Variants in DIAPH2 observed in about 807,000 individuals in gnomAD.
The protein encoded by DIAPH2 is diaphanous related formin 2, also known as protein diaphanous homolog 2.
DIAPH2 carries 35 observed loss-of-function variants against 92.7 expected under a neutral mutation model. The observed-to-expected ratio is 0.38, with a 90% CI of 0.29 to 0.50. The LOEUF (loss-of-function observed/expected upper bound fraction) is 0.50, where lower values mean the gene tolerates loss of function less well. DIAPH2 is among the 20% of genes least tolerant of loss of function. The pLI, the probability that DIAPH2 is intolerant of heterozygous loss-of-function variation, is 0.94. For synonymous variants in DIAPH2, 301 were observed against 280.4 expected (o/e 1.07, Z -0.73); for missense variants, 701 against 819.5 (o/e 0.86, Z 1.77).
intron 4 of DIAPH2, among the ~76,000 whole-genome samples, chrX:96,866,660 C>T (rs1220086932): frequency 1.8e-5 from 2 of 111,922 alleles, no homozygotes; most frequent in Non-Finnish European, 3.8e-5. Flanking sequence ...CTTTGCTGTA[C>T]AAAATCTTCA....
intron 25 of DIAPH2, among the ~76,000 whole-genome samples, chrX:97,413,664 C>T (rs181458568): frequency 4.6e-4 from 52 of 111,940 alleles, no homozygotes; most frequent in Non-Finnish European, 8.3e-4. Flanking sequence ...CATCATCTCA[C>T]TCAAATCTCC....
intron 20 of DIAPH2, among the ~76,000 whole-genome samples, chrX:97,112,849 C>T (rs113181069): frequency 0.04 from 3,764 of 92,950 alleles, 68 homozygotes; most frequent in Middle Eastern, 0.081. Flanking sequence ...ACAATCTCGG[C>T]TCACTGCAAC....
At chrX:97,131,885 A>G (rs768097756) in intron 21 of DIAPH2, among the ~76,000 whole-genome samples, 10 of 112,076 alleles carry the variant, frequency 8.9e-5, no homozygotes, top group Non-Finnish European at 1.7e-4. Flanking sequence ...ACCAGTGAGT[A>G]CAAATGATGG....
chrX:97,417,010 C>T (rs1317603230), intron 25 of DIAPH2, among the ~76,000 whole-genome samples: 2 of 111,902 alleles, frequency 1.8e-5, no homozygotes, highest in African/African-American at 6.5e-5. Flanking sequence ...AGGAGGGAAA[C>T]ACTTTGAAGC....
intron 4 of DIAPH2, among the ~76,000 whole-genome samples, chrX:96,785,410 C>T (rs1016433599): frequency 1.9e-5 from 2 of 104,510 alleles, no homozygotes; most frequent in Non-Finnish European, 3.9e-5. Flanking sequence ...GTGCCACGGA[C>T]AATGCCATGT....
intron 4 of DIAPH2, among the ~76,000 whole-genome samples, chrX:96,855,835 C>A (rs770990258): frequency 9.0e-6 from 1 of 110,607 alleles, no homozygotes; most frequent in Non-Finnish European, 1.9e-5. Context: ...TTGGATATTC[C>A]GAACTAACAA....
chrX:97,050,522 C>G (rs1352972127), intron 17 of DIAPH2, among the ~76,000 whole-genome samples: 1 of 90,616 alleles, frequency 1.1e-5, no homozygotes, highest in Admixed American at 1.2e-4. Flanking sequence ...TTTTTTTTTT[C>G]CTCTTCTGGA....
chrX:97,347,973 T>C (rs1206391830), intron 23 of DIAPH2, 143 bp from the exon 24 acceptor site: 8 of 555,041 alleles, frequency 1.4e-5, no homozygotes, highest in South Asian at 3.2e-5. Context: ...TATTTTACCA[T>C]GGCAGCCCTA....
intron 22 of DIAPH2, among the ~76,000 whole-genome samples, chrX:97,167,935 T>C (rs1426582364): frequency 9.0e-6 from 1 of 111,721 alleles, no homozygotes; most frequent in African/African-American, 3.3e-5. Flanking sequence ...TTAAAGAAAA[T>C]TCTTTCAATT....
intron 17 of DIAPH2, among the ~76,000 whole-genome samples, chrX:96,987,924 A>T (rs895744645): frequency 3.6e-5 from 4 of 111,282 alleles, no homozygotes; most frequent in African/African-American, 1.3e-4. Flanking sequence ...CATTTGGTTT[A>T]TAGAATTACT....
chrX:97,386,243 G>A (rs769869694), intron 25 of DIAPH2, among the ~76,000 whole-genome samples: 12 of 112,070 alleles, frequency 1.1e-4, no homozygotes, highest in African/African-American at 2.9e-4. Context: ...TTTAGCAAAC[G>A]AACTTCATAA....
chrX:96,969,222 C>T (rs910039030), intron 17 of DIAPH2, among the ~76,000 whole-genome samples: 1 of 111,661 alleles, frequency 9.0e-6, no homozygotes, highest in African/African-American at 3.3e-5. Context: ...TTTTCTGATT[C>T]CATGTGAATT....
intron 24 of DIAPH2, among the ~76,000 whole-genome samples, chrX:97,366,091 C>G (rs1411517098): frequency 8.9e-6 from 1 of 111,980 alleles, no homozygotes; most frequent in Admixed American, 9.5e-5. Context: ...GTAAATACGT[C>G]TCACTTATCT....
intron 4 of DIAPH2, among the ~76,000 whole-genome samples, chrX:96,787,561 A>G (rs939594222): frequency 9.0e-5 from 10 of 111,045 alleles, no homozygotes; most frequent in African/African-American, 2.9e-4. Context: ...ATATCTTTCA[A>G]TGTTGAGAAC....
chrX:97,185,385 A>G (rs867619575), intron 22 of DIAPH2, among the ~76,000 whole-genome samples: 1 of 31,372 alleles, frequency 3.2e-5, no homozygotes, highest in Admixed American at 5.0e-4. Flanking sequence ...ATATATGTAT[A>G]TATATATGTG....
At chrX:97,128,674 A>T (rs941913898) in intron 21 of DIAPH2, among the ~76,000 whole-genome samples, 15 of 112,223 alleles carry the variant, frequency 1.3e-4, no homozygotes, top group Non-Finnish European at 2.4e-4. Context: ...GCCCCTGTGC[A>T]GTGGATCCCC....
chrX:96,840,700 C>T (rs2064930272), intron 4 of DIAPH2, among the ~76,000 whole-genome samples: 1 of 110,853 alleles, frequency 9.0e-6, no homozygotes, highest in South Asian at 3.9e-4. Flanking sequence ...GCTCTGCCTC[C>T]TGGGTTCACG....
intron 26 of DIAPH2, among the ~76,000 whole-genome samples, chrX:97,590,172 G>C (rs1038273639): frequency 2.7e-5 from 3 of 111,588 alleles, no homozygotes; most frequent in Non-Finnish European, 5.6e-5. Flanking sequence ...TCTGTGATCT[G>C]GTTCTTTGGG....
intron 22 of DIAPH2, among the ~76,000 whole-genome samples, chrX:97,170,971 G>A (rs1365121173): frequency 9.1e-6 from 1 of 110,153 alleles, no homozygotes; most frequent in African/African-American, 3.3e-5. Flanking sequence ...CTGCCTCCCC[G>A]GTTCAAGCAA....
Sources: gnomAD v4.1 joint callset for allele counts (sites outside exome capture counted in the v4.1 genomes callset) on GRCh38, gnomAD v4.1.1 for gene constraint, MANE v1.5 for transcripts, NCBI Gene and HGNC (gene_info 2026-07-23, HGNC 2026-07-21) for gene names.